The following TAOK3 variants were observed in gnomAD, a reference collection of about 807,000 sequenced individuals.
TAOK3 encodes serine/threonine-protein kinase TAO3.
Under a neutral mutation model 120.4 loss-of-function variants are expected in TAOK3, and 40 were observed. That is an observed-to-expected ratio of 0.33 (90% CI 0.26 to 0.43). The LOEUF (loss-of-function observed/expected upper bound fraction) is 0.43, where lower values mean the gene tolerates loss of function less well. Ranked by LOEUF, TAOK3 falls within the 20% of genes least tolerant of loss-of-function variation. The pLI, the probability that TAOK3 is intolerant of heterozygous loss-of-function variation, is 1.00. For missense variants in TAOK3, 821 were observed against 1,112.1 expected, an observed-to-expected ratio of 0.74 and a Z score of 3.72; for synonymous variants, 355 against 387.5, an observed-to-expected ratio of 0.92 and a Z score of 0.99.
intron 13 of TAOK3, among the ~76,000 whole-genome samples, chr12:118,193,600 T>C (rs1159077018): frequency 6.6e-6 from 1 of 151,634 alleles, no homozygotes; most frequent in African/African-American, 2.4e-5. Flanking sequence ...TTGCCTAGAG[T>C]TTCTTTTTCT....
rs2043109978 is a variant in TAOK3 at position 118,307,919 on chromosome 12, T to C, written c.-193-41160A>G. On this transcript the variant is annotated intron_variant, in intron 1 of 20. Transcript: ENST00000392533. ...ACACTACATGATAGTTACTGGTACT[T>C]GTTCCCAATAGCTGCTTAAAATAAG... is the stretch of plus-strand genomic sequence containing the variant. Among the ~76,000 whole-genome samples the C allele has an allele frequency of 2.0e-5, 3 of 152,094 alleles. No individual in the cohort carries two copies. In the South Asian group the frequency reaches 6.2e-4, roughly 32 times the overall value.
intron 13 of TAOK3, among the ~76,000 whole-genome samples, chr12:118,190,768 C>T (rs1769592528): frequency 6.6e-6 from 1 of 152,136 alleles, no homozygotes; most frequent in South Asian, 2.1e-4. Flanking sequence ...AAATAGCATT[C>T]CCTGGAAGGA....
intron 9 of TAOK3, among the ~76,000 whole-genome samples, chr12:118,231,132 T>C (rs1477973522): frequency 6.6e-6 from 1 of 152,174 alleles, no homozygotes; most frequent in Non-Finnish European, 1.5e-5. Flanking sequence ...TGAAAACGAA[T>C]ATAGGAAGTG....
intron 1 of TAOK3, among the ~76,000 whole-genome samples, chr12:118,351,864 C>CTTTTT (rs34956112): frequency 1.4e-5 from 1 of 71,898 alleles, no homozygotes; most frequent in Admixed American, 1.9e-4. Flanking sequence ...ATCTATAGTT[C>CTTTTT]TTTTTTTTTT....
intron 17 of TAOK3, among the ~76,000 whole-genome samples, chr12:118,162,396 G>T (rs528602159): frequency 6.6e-6 from 1 of 152,228 alleles, no homozygotes; most frequent in South Asian, 2.1e-4. Flanking sequence ...CCTACACCCT[G>T]ACGGCCCATA....
chr12:118,307,569 G>C (rs1274143771), intron 1 of TAOK3, among the ~76,000 whole-genome samples: 2 of 152,156 alleles, frequency 1.3e-5, no homozygotes, highest in Non-Finnish European at 2.9e-5. Flanking sequence ...AAATGAGGCT[G>C]TGTATGTATA....
intron 20 of TAOK3, 35 bp downstream of exon 20, chr12:118,152,192 C>G (rs2034496634): frequency 3.8e-6 from 6 of 1,595,234 alleles, no homozygotes; most frequent in Non-Finnish European, 5.1e-6. Flanking sequence ...CCCCTTCCAC[C>G]CAGTGGCACC....
At chr12:118,236,562 C>G (rs1222320314) in intron 7 of TAOK3, 3 of 152,066 alleles carry the variant, frequency 2.0e-5, no homozygotes, top group African/African-American at 7.2e-5. Flanking sequence ...AAAGATAAAA[C>G]AGAGAAGATG....
chr12:118,186,313 A>G (rs1401053222), intron 14 of TAOK3, among the ~76,000 whole-genome samples: 1 of 152,236 alleles, frequency 6.6e-6, no homozygotes, highest in African/African-American at 2.4e-5. Context: ...CACATTAGGA[A>G]GAGGGGCAGT....
At chr12:118,154,827 T>C (rs978913770) in intron 19 of TAOK3, among the ~76,000 whole-genome samples, 1 of 152,086 alleles carries the variant, frequency 6.6e-6, no homozygotes. Flanking sequence ...GGCAACATAA[T>C]GTAGAAGCAG....
chr12:118,210,434 AGAG>A (rs1338580445), intron 11 of TAOK3, among the ~76,000 whole-genome samples: 2 of 152,116 alleles, frequency 1.3e-5, no homozygotes, highest in East Asian at 3.9e-4. Flanking sequence ...CTGTTCCTGA[AGAG>A]GTAGGTCTGG....
chr12:118,215,983 T>C (rs944086364), intron 9 of TAOK3, among the ~76,000 whole-genome samples: 2 of 151,962 alleles, frequency 1.3e-5, no homozygotes, highest in African/African-American at 2.4e-5. Context: ...GCAGATCACC[T>C]GAGGCCAGGA....
chr12:118,350,354 T>A (rs2045080082), intron 1 of TAOK3, among the ~76,000 whole-genome samples: 2 of 151,540 alleles, frequency 1.3e-5, no homozygotes, highest in African/African-American at 4.9e-5. Flanking sequence ...CCACCTAACC[T>A]CTCTGAACAT....
At chr12:118,164,010 C>G (rs1000934517) in intron 17 of TAOK3, among the ~76,000 whole-genome samples, 3 of 151,824 alleles carry the variant, frequency 2.0e-5, no homozygotes, top group Non-Finnish European at 4.4e-5. Flanking sequence ...CCGTGCCCGA[C>G]CTAGCAGTAT....
chr12:118,222,434 G>C (rs1348262385), intron 9 of TAOK3, among the ~76,000 whole-genome samples: 1 of 152,016 alleles, frequency 6.6e-6, no homozygotes, highest in Non-Finnish European at 1.5e-5. Flanking sequence ...TTGGGAGGCT[G>C]AGGCAGGAGA....
intron 12 of TAOK3, 66 bp from the exon 13 acceptor site, chr12:118,199,323 A>C: frequency 7.7e-7 from 1 of 1,305,104 alleles, no homozygotes; most frequent in Non-Finnish European, 1.1e-6. Context: ...CATTGACAAA[A>C]GTGTCAAGCA....
intron 1 of TAOK3, among the ~76,000 whole-genome samples, chr12:118,298,185 G>A (rs1394273829): frequency 6.6e-6 from 1 of 152,182 alleles, no homozygotes; most frequent in Non-Finnish European, 1.5e-5. Context: ...TAAAAACAAA[G>A]GGGAGATTTT....
At chr12:118,260,621 T>C (rs2041186807) in intron 2 of TAOK3, among the ~76,000 whole-genome samples, 2 of 152,178 alleles carry the variant, frequency 1.3e-5, no homozygotes, top group Admixed American at 6.5e-5. Context: ...ATTTCGAACA[T>C]GTAAAGCAGA....
In TAOK3 at chr12:118,231,876, T is replaced by A. The variant is rs944562053; in HGVS notation, c.643+1798A>T. The stretch of plus-strand genomic sequence containing the variant: ...AGAGAGAGGCTGTAGTGAGCCAAGA[T>A]TGCACTGCTGCAATGCAGCCTGGGT... On this transcript the variant is annotated intron_variant, in intron 9 of 20. Coordinates refer to ENST00000392533, the MANE Select transcript of TAOK3 (RefSeq NM_016281.4). 5.2e-4 allele frequency among the ~76,000 whole-genome samples: 79 copies of A among 151,690 alleles called. 1 individual carries two copies. Among genetic ancestry groups the A allele is most frequent in the African/African-American group, 1.8e-3 (74 of 41,330 alleles).
Sources: gnomAD v4.1 joint callset for allele counts (sites outside exome capture counted in the v4.1 genomes callset) on GRCh38, gnomAD v4.1.1 for gene constraint, MANE v1.5 for transcripts, NCBI Gene and HGNC (gene_info 2026-07-23, HGNC 2026-07-21) for gene names.